ZKSCAN4: variants seen among roughly 807,000 people sequenced by gnomAD.
ZKSCAN4 encodes the protein zinc finger with KRAB and SCAN domains 4.
A neutral mutation model predicts 30.8 loss-of-function variants in ZKSCAN4; 23 were observed. That is an observed-to-expected ratio of 0.75 (90% CI 0.54 to 1.06). ZKSCAN4 has a LOEUF of 1.06. ZKSCAN4 is among the 50% of genes least tolerant of loss of function. The probability of loss-of-function intolerance (pLI) is 0.00; values close to 1 mark genes in which losing one functional copy is unlikely to be tolerated. For missense variants in ZKSCAN4, 556 were observed against 665.4 expected (o/e 0.84, Z 1.81); for synonymous variants, 208 against 252.5 (o/e 0.82, Z 1.67).
rs923679318 is a variant in ZKSCAN4 at position 28,249,441 on chromosome 6, G to A, written c.571+246C>T. Among the ~76,000 whole-genome samples, 4 of 152,142 alleles carry A rather than the reference G, an allele frequency of 2.6e-5. No individual in the cohort carries two copies. The highest frequency in any genetic ancestry group is 7.2e-5 in the African/African-American group (3 of 41,418). ...TCCCTAAATATATCTAATGAATGGA[G>A]ATCACCATGTTGTTTAAAAAACCGA... On this transcript the variant is annotated intron_variant, in intron 2 of 4. Transcript: ENST00000377294. This position sits in a 1 kb window ranked among gnomAD's most constrained non-coding sequence, Gnocchi z 4.1.
Position 28,251,307 on chromosome 6 carries a change from T to C in ZKSCAN4, c.423+251A>G, listed in dbSNP as rs1024824551. The C allele has an allele frequency of 1.7e-6, 1 of 573,602 alleles. No homozygotes were observed. The highest frequency in any genetic ancestry group is 3.0e-6 in the Non-Finnish European group (1 of 336,590). 35.5% of individuals were successfully genotyped at this position (573,602 alleles called of 1,614,324 possible). On this transcript the variant is annotated intron_variant, in intron 1 of 4. Transcript: ENST00000377294. This position sits in a 1 kb window ranked among gnomAD's most constrained non-coding sequence, Gnocchi z 4.5. ...TAAAAATCCACATATATGACTTTAA[T>C]ACAAATTTAATTCTTTGCTAACTGT...
intron 2 of ZKSCAN4, 42 bp from the exon 3 acceptor site, chr6:28,248,191 TCAGC>T: frequency 1.3e-6 from 2 of 1,522,712 alleles, no homozygotes; most frequent in Non-Finnish European, 1.8e-6. Flanking sequence ...ACCCTAGTAT[TCAGC>T]CTCCCCACCT....
rs1455568991 is a variant in ZKSCAN4, at chr6:28,249,537, C to T, written c.571+150G>A. On this transcript the variant is annotated intron_variant, in intron 2 of 4. Transcript: ENST00000377294. The surrounding 1 kb of genome is among the most constrained non-coding windows in gnomAD (Gnocchi z 4.1). ...TAGTTTGGTTAGGAAAGTTTTTCAC[C>T]ATTGTTTGAAATTTCTCTTAGTCTC... 2.2e-6 allele frequency: 2 copies of T among 921,138 alleles called. No homozygotes were observed. The highest frequency in any genetic ancestry group is 2.9e-5 in the East Asian group (1 of 34,218). The allele number at this position is 921,138 out of a possible 1,614,324, so 57.1% of individuals were successfully genotyped here.
In ZKSCAN4 at chr6:28,244,892, C is replaced by T. The variant is rs946480361; in HGVS notation, c.*224G>A. On this transcript the variant is annotated 3_prime_UTR_variant, in exon 5 of 5. Coordinates refer to ENST00000377294, the MANE Select transcript of ZKSCAN4 (RefSeq NM_019110.5). ...GAACAAACTATTTTAGGTCCTACAA[C>T]TTCCAGACCACTCTCCCATGGCCTC... 7.6e-5 allele frequency: 48 copies of T among 630,388 alleles called. 2 individuals are homozygous for T. The highest frequency in any genetic ancestry group is 4.9e-4 in the African/African-American group (27 of 54,896). The allele number at this position is 630,388 out of a possible 1,614,324, so 39.0% of individuals were successfully genotyped here.
intron 1 of ZKSCAN4, among the ~76,000 whole-genome samples, chr6:28,250,145 G>A (rs1221609872): frequency 2.7e-5 from 4 of 150,684 alleles, no homozygotes; most frequent in Non-Finnish European, 4.4e-5. Flanking sequence ...TCACCTCACC[G>A]CAACTTCCGC....
At chr6:28,256,330 C>G (rs1419577296), upstream of ZKSCAN4, among the ~76,000 whole-genome samples, 1 of 151,956 alleles carries the variant, frequency 6.6e-6, no homozygotes, top group East Asian at 1.9e-4. Context: ...TCAGGAGGCT[C>G]AAATGGAAGG....
Position 28,242,880 on chromosome 6 carries a change from G to A in ZKSCAN4, c.*2236C>T, listed in dbSNP as rs2113666772. Among the ~76,000 whole-genome samples the A allele has an allele frequency of 6.6e-6, 1 of 152,316 alleles. No individual in the cohort carries two copies. Among genetic ancestry groups the A allele is most frequent in the South Asian group, 2.1e-4 (1 of 4,826 alleles). On this transcript the variant is annotated 3_prime_UTR_variant, in exon 5 of 5. Coordinates refer to ENST00000377294, the MANE Select transcript of ZKSCAN4 (RefSeq NM_019110.5). ...TACAGAGAAGACTTTTAGGCTTGGA[G>A]GCGCAGGAGTGAAAGGAGGCACAGT...
chr6:28,256,480 AAT>A (rs1263704212), upstream of ZKSCAN4, among the ~76,000 whole-genome samples: 3 of 152,230 alleles, frequency 2.0e-5, no homozygotes, highest in African/African-American at 7.2e-5. Flanking sequence ...TATGAAAAAC[AAT>A]TTTGAGAAAT....
chr6:28,256,989 A>C (rs1207201610), upstream of ZKSCAN4, among the ~76,000 whole-genome samples: 1 of 152,248 alleles, frequency 6.6e-6, no homozygotes, highest in Non-Finnish European at 1.5e-5. Context: ...ATTCACTTAC[A>C]TATTGTCTAT....
intron 3 of ZKSCAN4, among the ~76,000 whole-genome samples, chr6:28,247,781 G>A (rs1760798567): frequency 6.6e-6 from 1 of 152,176 alleles, no homozygotes. Context: ...CCTTGTTGAA[G>A]GAGAAAAATC....
At chr6:28,259,169 C>T in the ZKSCAN4 span, among the ~76,000 whole-genome samples, 6 of 152,212 alleles carry the variant, frequency 3.9e-5, no homozygotes, top group Non-Finnish European at 7.3e-5. Context: ...CAGGCGCACC[C>T]TAATCCTACC....
In ZKSCAN4 at chr6:28,242,841, A is replaced by G. The variant is rs1227062329; in HGVS notation, c.*2275T>C. 6.6e-6 allele frequency among the ~76,000 whole-genome samples: 1 copy of G among 152,218 alleles called. No homozygotes were observed. The highest frequency in any genetic ancestry group is 1.5e-5 in the Non-Finnish European group (1 of 68,036). ...AGACACTGAAAAGTACTTTTCTACA[A>G]TATTTCCCTCCTCTACAGAGAAGAC... On this transcript the variant is annotated 3_prime_UTR_variant, in exon 5 of 5. Coordinates refer to ENST00000377294, the MANE Select transcript of ZKSCAN4 (RefSeq NM_019110.5).
chr6:28,242,963 G>A lies in ZKSCAN4; in HGVS notation c.*2153C>T, dbSNP rs1165169061. Among the ~76,000 whole-genome samples the A allele has an allele frequency of 1.3e-5, 2 of 152,148 alleles. No homozygotes were observed. Among genetic ancestry groups the A allele is most frequent in the African/African-American group, 2.4e-5 (1 of 41,426 alleles). ...TATAATGCTTTCTGGTTTGTAAAAG[G>A]CTTTCACATATATCTCTTCATGTAA... is the stretch of plus-strand genomic sequence containing the variant. On this transcript the variant is annotated 3_prime_UTR_variant, in exon 5 of 5. Transcript: ENST00000377294.
upstream of ZKSCAN4, among the ~76,000 whole-genome samples, chr6:28,252,491 T>C (rs1349192539): frequency 6.6e-6 from 1 of 152,054 alleles, no homozygotes; most frequent in Non-Finnish European, 1.5e-5. Flanking sequence ...GGCTCATATT[T>C]CTTTCCTATG....
In ZKSCAN4 at chr6:28,242,764, C is replaced by T. The variant is rs1467749941; in HGVS notation, c.*2352G>A. Among the ~76,000 whole-genome samples, 1 of 152,174 alleles carries T rather than the reference C, an allele frequency of 6.6e-6. No individual in the cohort carries two copies. Among genetic ancestry groups the T allele is most frequent in the African/African-American group, 2.4e-5 (1 of 41,446 alleles). On this transcript the variant is annotated 3_prime_UTR_variant, in exon 5 of 5. Coordinates refer to ENST00000377294, the MANE Select transcript of ZKSCAN4 (RefSeq NM_019110.5). ...CTAAGCCTAAGTGTGTATACACACA[C>T]ACACACACACACACAAATAGAGGCT...
At chr6:28,248,871 G>A (rs1030460492) in intron 2 of ZKSCAN4, among the ~76,000 whole-genome samples, 4 of 151,408 alleles carry the variant, frequency 2.6e-5, no homozygotes, top group African/African-American at 7.3e-5. Flanking sequence ...AAACTAGGAG[G>A]AGTCAAATAA....
At chr6:28,248,276 C>G (rs1760828819) in intron 2 of ZKSCAN4, 127 bp from the exon 3 acceptor site, 1 of 648,208 alleles carries the variant, frequency 1.5e-6, no homozygotes, top group Non-Finnish European at 2.7e-6. Flanking sequence ...GTGTTCCTTT[C>G]AAAAATGCCT....
chr6:28,249,688 T>C lies in ZKSCAN4; in HGVS notation c.570A>G (p.Arg190=), dbSNP rs1220351611. The change falls in exon 2 of 5, where the codon AGA becomes AGG. Residue 190 remains arginine, a splice_region_variant and synonymous_variant. Coordinates refer to ENST00000377294, the MANE Select transcript of ZKSCAN4 (RefSeq NM_019110.5). The surrounding 1 kb of genome is among the most constrained non-coding windows in gnomAD (Gnocchi z 4.1). ...TACAACCCAGAAGAGAATACTCACC[T>C]CTATCGTGTAAGGGCTGGGATCCCA... The part of the protein sequence containing the change: ...ESLGSQPLHD[R]VLQVPGLAQG... 5.0e-6 allele frequency: 8 copies of C among 1,613,712 alleles called. No homozygotes were observed. The highest frequency in any genetic ancestry group is 5.9e-6 in the Non-Finnish European group (7 of 1,179,918).
the ZKSCAN4 span, among the ~76,000 whole-genome samples, chr6:28,258,921 G>A: frequency 1.7e-4 from 26 of 152,248 alleles, no homozygotes; most frequent in African/African-American, 6.3e-4. Context: ...CGAAGAGGGT[G>A]GACAAGTTCC....
Sources: allele counts gnomAD v4.1 joint callset (sites outside exome capture counted in the v4.1 genomes callset), GRCh38; gene constraint gnomAD v4.1.1; non-coding constraint Gnocchi (gnomAD v3.1); transcripts MANE v1.5; gene names NCBI Gene and HGNC (gene_info 2026-07-23, HGNC 2026-07-21).